The following COX5A variants were observed in gnomAD, a reference collection of about 807,000 sequenced individuals.
COX5A encodes the protein cytochrome c oxidase subunit 5A, mitochondrial.
COX5A carries 6 observed loss-of-function variants against 16.1 expected under a neutral mutation model. That is an observed-to-expected ratio of 0.37 (90% CI 0.20 to 0.73). COX5A has a LOEUF of 0.73. COX5A is among the 30% of genes least tolerant of loss of function. The pLI is 0.50. For missense variants in COX5A, 159 were observed against 194.9 expected (o/e 0.82, Z 1.10); for synonymous variants, 73 against 73.8 (o/e 0.99, Z 0.06).
chr15:74,935,403 G>C (rs937429548), intron 1 of COX5A, among the ~76,000 whole-genome samples: 5 of 152,190 alleles, frequency 3.3e-5, no homozygotes, highest in Admixed American at 2.0e-4. Context: ...GGTGGGAGGA[G>C]GGAGGCACTC....
intron 1 of COX5A, among the ~76,000 whole-genome samples, chr15:74,930,056 G>A (rs912703358): frequency 6.7e-6 from 1 of 150,122 alleles, no homozygotes; most frequent in Non-Finnish European, 1.5e-5. Context: ...TCCAGCCTGG[G>A]CGACAGAGCA....
At chr15:74,930,409 T>C (rs1595862505) in intron 1 of COX5A, among the ~76,000 whole-genome samples, 3 of 86,142 alleles carry the variant, frequency 3.5e-5, no homozygotes, top group African/African-American at 9.8e-5. Context: ...AGAGCGAGAC[T>C]CCGCCTCAAA....
chr15:74,931,007 ACT>A (rs1160485056), intron 1 of COX5A, among the ~76,000 whole-genome samples: 1 of 108,178 alleles, frequency 9.2e-6, no homozygotes, highest in East Asian at 3.6e-4. Context: ...ACAGAGCGAG[ACT>A]CTGTCTCAAA....
intron 1 of COX5A, among the ~76,000 whole-genome samples, chr15:74,933,986 CAA>C (rs1456238624): frequency 6.6e-6 from 1 of 152,100 alleles, no homozygotes; most frequent in Non-Finnish European, 1.5e-5. Context: ...GGTTGTATTC[CAA>C]AAAGTCTTTT....
At chr15:74,922,871 G>GAA (rs2065327758) in intron 4 of COX5A, among the ~76,000 whole-genome samples, 3 of 151,764 alleles carry the variant, frequency 2.0e-5, no homozygotes, top group Non-Finnish European at 4.4e-5. Flanking sequence ...TCACCATGCT[G>GAA]GTCTCGAACT....
At chr15:74,925,633 C>A (rs2065339815) in intron 3 of COX5A, among the ~76,000 whole-genome samples, 1 of 152,082 alleles carries the variant, frequency 6.6e-6, no homozygotes, top group Admixed American at 6.5e-5. Context: ...GGTGATCCAC[C>A]TGCCTCAGTC....
Position 74,920,326 on chromosome 15 carries a change from G to A in COX5A, c.*126C>T. ...ATTAAAGTCCAAGTTACCATTACAT[G>A]GCTTGGTACTCAATAAAGGAAAACT... On this transcript the variant is annotated 3_prime_UTR_variant, in exon 5 of 5. Coordinates refer to ENST00000322347, the MANE Select transcript of COX5A (RefSeq NM_004255.4). The A allele has an allele frequency of 1.5e-6, 1 of 662,970 alleles. No homozygotes were observed. Among genetic ancestry groups the A allele is most frequent in the South Asian group, 1.7e-5 (1 of 57,594 alleles). 41.1% of individuals were successfully genotyped at this position (662,970 alleles called of 1,614,324 possible).
intron 1 of COX5A, among the ~76,000 whole-genome samples, chr15:74,933,439 CT>C (rs2065375847): frequency 7.9e-6 from 1 of 125,948 alleles, no homozygotes; most frequent in Non-Finnish European, 1.6e-5. Context: ...ATCTATCTAT[CT>C]ATCTATCTAT....
chr15:74,920,111 A>G lies in COX5A; in HGVS notation c.*341T>C. 2.2e-6 allele frequency: 1 copy of G among 453,550 alleles called. No homozygotes were observed. Among genetic ancestry groups the G allele is most frequent in the Non-Finnish European group, 3.8e-6 (1 of 262,094 alleles). 28.1% of individuals were successfully genotyped at this position (453,550 alleles called of 1,614,324 possible). ...GACTTCTAGCCTTCAGCTAATTTAC[A>G]AGCTAGGGCACCCAAACATATTAAT... On this transcript the variant is annotated 3_prime_UTR_variant, in exon 5 of 5. Coordinates refer to ENST00000322347, the MANE Select transcript of COX5A (RefSeq NM_004255.4).
At chr15:74,927,284 C>T (rs1009280960) in intron 2 of COX5A, among the ~76,000 whole-genome samples, 2 of 152,062 alleles carry the variant, frequency 1.3e-5, no homozygotes, top group African/African-American at 4.8e-5. Context: ...TCAAGTGATT[C>T]TCCTGCCTCA....
intron 4 of COX5A, among the ~76,000 whole-genome samples, chr15:74,922,974 C>T (rs2065328403): frequency 6.6e-6 from 1 of 151,350 alleles, no homozygotes; most frequent in Non-Finnish European, 1.5e-5. Context: ...ATACTTTAAA[C>T]ACACCAAAGC....
chr15:74,932,405 C>T (rs994136599), intron 1 of COX5A, among the ~76,000 whole-genome samples: 3 of 152,052 alleles, frequency 2.0e-5, no homozygotes, highest in African/African-American at 7.2e-5. Flanking sequence ...TCCTACCACT[C>T]CCAAAATACT....
intron 1 of COX5A, among the ~76,000 whole-genome samples, chr15:74,934,917 C>G (rs981260125): frequency 6.6e-6 from 1 of 152,100 alleles, no homozygotes; most frequent in Non-Finnish European, 1.5e-5. Flanking sequence ...GGGCTTCATC[C>G]TAAAAAGCTA....
Position 74,926,873 on chromosome 15 carries a change from C to G in COX5A, c.232G>C (p.Val78Leu). The stretch of plus-strand genomic sequence containing the variant: ...GGCTCTGGAACCATATCATAGGTAA[C>G]AAGTGTGTTTATCCCTGCAAAATTA... ...WELRKGINTLVTYDMVPEPKI... is the reference protein window; with the variant it reads ...WELRKGINTLLTYDMVPEPKI... Residue 78 changes from valine to leucine, a missense_variant, in exon 3 of 5, where the codon GTT (valine) becomes CTT (leucine). Coordinates refer to ENST00000322347, the MANE Select transcript of COX5A (RefSeq NM_004255.4). The G allele has an allele frequency of 6.2e-7, 1 of 1,613,118 alleles. No individual in the cohort carries two copies. The highest frequency in any genetic ancestry group is 8.5e-7 in the Non-Finnish European group (1 of 1,179,628).
chr15:74,921,478 C>A (rs2065320638), intron 4 of COX5A, among the ~76,000 whole-genome samples: 3 of 151,148 alleles, frequency 2.0e-5, no homozygotes, highest in African/African-American at 7.3e-5. Context: ...ACCTGTAAGC[C>A]CAGCACTTTG....
At chr15:74,927,112 G>A (rs2065347843) in intron 2 of COX5A, among the ~76,000 whole-genome samples, 1 of 152,036 alleles carries the variant, frequency 6.6e-6, no homozygotes, top group South Asian at 2.1e-4. Context: ...GCAACAGCAC[G>A]CAGATTGAAG....
chr15:74,932,857 A>G (rs1391220810), intron 1 of COX5A, among the ~76,000 whole-genome samples: 1 of 151,822 alleles, frequency 6.6e-6, no homozygotes, highest in Non-Finnish European at 1.5e-5. Context: ...CCACCATGTC[A>G]GGCTAATTTT....
In COX5A at chr15:74,923,685, G is replaced by A. The variant is rs753972935; in HGVS notation, c.425C>T (p.Pro142Leu). 3.1e-6 allele frequency: 5 copies of A among 1,611,316 alleles called. No individual in the cohort carries two copies. The highest frequency in any genetic ancestry group is 1.7e-5 in the Admixed American group (1 of 59,990). Residue 142 changes from proline (P) to leucine (L), a missense_variant, in exon 4 of 5, where the codon CCG (proline) becomes CTG (leucine). Physicochemically the swap from Pro to Leu is moderately conservative, Grantham distance 98. Coordinates refer to ENST00000322347, the MANE Select transcript of COX5A (RefSeq NM_004255.4). ...PTLNELGISTPEELGLDKV is the reference protein window; with the variant it reads ...PTLNELGISTLEELGLDKV ...CACTTTGTCAAGGCCCAGTTCCTCC[G>A]GAGTGGAGATTCCCAGTTCATTTAA...
At chr15:74,922,157 C>T (rs2065324038) in intron 4 of COX5A, among the ~76,000 whole-genome samples, 2 of 151,980 alleles carry the variant, frequency 1.3e-5, no homozygotes, top group South Asian at 2.1e-4. Flanking sequence ...GAGGCTGAGG[C>T]GGGTGGATCA....
Sources: allele counts gnomAD v4.1 joint callset (sites outside exome capture counted in the v4.1 genomes callset), GRCh38; gene constraint gnomAD v4.1.1; transcripts MANE v1.5; gene names NCBI Gene and HGNC (gene_info 2026-07-23, HGNC 2026-07-21).